The following MYO16 variants were observed in gnomAD, a reference collection of about 807,000 sequenced individuals.
MYO16 encodes the protein myosin XVI, also known as unconventional myosin-XVI.
Under a neutral mutation model 205.3 loss-of-function variants are expected in MYO16, and 94 were observed. That is an observed-to-expected ratio of 0.46 (90% CI 0.39 to 0.54). The LOEUF (loss-of-function observed/expected upper bound fraction) is 0.54. Among genes scored for constraint, MYO16 ranks in the 20% least tolerant of loss-of-function variants. MYO16 has a pLI of 0.00. For missense variants in MYO16, 2,315 were observed against 2,387.5 expected (o/e 0.97, Z 0.63); for synonymous variants, 988 against 954.0 (o/e 1.04, Z -0.66).
chr13:108,858,957 A>T (rs61971377), intron 11 of MYO16, among the ~76,000 whole-genome samples: 13,785 of 152,152 alleles, frequency 0.091, 789 homozygotes, highest in Non-Finnish European at 0.12. Flanking sequence ...TTGCCTGAGT[A>T]ATTTGACCAC....
intron 1 of MYO16, among the ~76,000 whole-genome samples, chr13:108,602,827 G>A (rs1878814564): frequency 6.6e-6 from 1 of 152,042 alleles, no homozygotes; most frequent in Admixed American, 6.6e-5. Flanking sequence ...TTCTCTTATT[G>A]ACTAAAAAGT....
chr13:109,068,825 A>G (rs1259142429), intron 27 of MYO16, among the ~76,000 whole-genome samples: 1 of 152,152 alleles, frequency 6.6e-6, no homozygotes, highest in Admixed American at 6.6e-5. Flanking sequence ...TCCTGACCTC[A>G]GGTGATCCGC....
chr13:108,684,637 TG>T (rs1477265153), intron 2 of MYO16, among the ~76,000 whole-genome samples: 1 of 152,182 alleles, frequency 6.6e-6, no homozygotes, highest in Admixed American at 6.5e-5. Context: ...GGCTTCTGGC[TG>T]GGGGTTGGTC....
At chr13:108,782,380 G>A (rs1886329975) in intron 4 of MYO16, among the ~76,000 whole-genome samples, 1 of 152,226 alleles carries the variant, frequency 6.6e-6, no homozygotes, top group African/African-American at 2.4e-5. Context: ...GTATCTGGCA[G>A]AAGAAATGTC....
At chr13:108,714,581 C>T (rs183138922) in intron 3 of MYO16, among the ~76,000 whole-genome samples, 1 of 130,426 alleles carries the variant, frequency 7.7e-6, no homozygotes, top group Admixed American at 8.1e-5. Context: ...CACTTCTTCA[C>T]GTGTGTGTGT....
chr13:108,568,320 C>T, the MYO16 span, among the ~76,000 whole-genome samples: 15 of 152,118 alleles, frequency 9.9e-5, no homozygotes, highest in Admixed American at 9.8e-4. Context: ...ACCAGCAATG[C>T]ATAAGTGTTC....
At chr13:108,912,142 C>T (rs1180520487) in intron 16 of MYO16, among the ~76,000 whole-genome samples, 1 of 152,100 alleles carries the variant, frequency 6.6e-6, no homozygotes, top group East Asian at 1.9e-4. Flanking sequence ...GGAGAAATTA[C>T]AGGACAACCT....
In MYO16 at chr13:109,022,687, C is replaced by CT. The variant is rs1555325073; in HGVS notation, c.2796+2776_2796+2777insT. ...TATATATTATATATACACATATAAA[C>CT]ATGTATATATTTATATATTATATAT... On this transcript the variant is annotated intron_variant, in intron 23 of 34. Transcript: ENST00000457511. Among the ~76,000 whole-genome samples the CT allele has an allele frequency of 2.0e-3, 226 of 110,374 alleles. 20 individuals are homozygous for CT. In the South Asian group the frequency reaches 0.057, roughly 28 times the overall value. The allele number at this position is 110,374 out of a possible 152,430, so 72.4% of individuals were successfully genotyped here. A position where few individuals can be genotyped will look rare whatever the true frequency, so the allele number is the denominator to read the frequency against.
intron 29 of MYO16, among the ~76,000 whole-genome samples, chr13:109,122,555 G>A (rs1013254868): frequency 6.6e-6 from 1 of 152,034 alleles, no homozygotes; most frequent in Non-Finnish European, 1.5e-5. Context: ...GCGCATGCCT[G>A]TAATCCCAGC....
chr13:108,610,934 T>G (rs1879150967), intron 1 of MYO16, among the ~76,000 whole-genome samples: 2 of 152,178 alleles, frequency 1.3e-5, no homozygotes, highest in Non-Finnish European at 2.9e-5. Context: ...GATGCTTCAG[T>G]AAAAAATTAA....
chr13:108,823,997 T>TATA (rs1876125157), intron 9 of MYO16, among the ~76,000 whole-genome samples: 1 of 152,082 alleles, frequency 6.6e-6, no homozygotes, highest in Admixed American at 6.6e-5. Context: ...GCTTGGAATG[T>TATA]ATAATAAAAC....
intron 3 of MYO16, among the ~76,000 whole-genome samples, chr13:108,715,546 G>A (rs910853953): frequency 1.3e-5 from 2 of 152,096 alleles, no homozygotes; most frequent in East Asian, 1.9e-4. Context: ...CCTGATACTC[G>A]GAGATGCTCA....
chr13:108,697,216 A>G (rs1883126346), intron 2 of MYO16, among the ~76,000 whole-genome samples: 1 of 152,224 alleles, frequency 6.6e-6, no homozygotes, highest in African/African-American at 2.4e-5. Context: ...GTACTCCAAC[A>G]ACAATAAATC....
intron 33 of MYO16, among the ~76,000 whole-genome samples, 183 bp downstream of exon 33, chr13:109,165,242 G>A (rs571951911): frequency 2.5e-4 from 38 of 152,260 alleles, no homozygotes; most frequent in Non-Finnish European, 5.0e-4. Flanking sequence ...TAAAGAATTG[G>A]AATTCTATTC....
At chr13:108,909,628 G>C (rs6492153) in intron 15 of MYO16, among the ~76,000 whole-genome samples, 81,776 of 151,136 alleles carry the variant, frequency 0.54, 22,778 homozygotes, top group East Asian at 0.71. Flanking sequence ...GGCACTTTTT[G>C]AACAGTGTAA....
At chr13:108,659,475 C>T in intron 1 of MYO16, 1 of 266,916 alleles carries the variant, frequency 3.7e-6, no homozygotes, top group South Asian at 3.5e-5. Flanking sequence ...TCTGGAATTG[C>T]AGGATAACCA....
intron 4 of MYO16, among the ~76,000 whole-genome samples, chr13:108,737,916 A>G (rs1221201051): frequency 6.6e-6 from 1 of 152,096 alleles, no homozygotes; most frequent in African/African-American, 2.4e-5. Context: ...TTTCTAGTTT[A>G]TTTGTGTAGA....
chr13:109,065,532 A>G (rs1403187790), intron 27 of MYO16: 1 of 450,760 alleles, frequency 2.2e-6, no homozygotes, highest in Admixed American at 2.7e-5. Context: ...TGCTGAAAAA[A>G]AAAAAAAGAA....
At position 108,995,589 on chromosome 13, in the gene MYO16, C is replaced by G. The variant is rs942363880; in HGVS notation, c.2442+3141C>G. Among the ~76,000 whole-genome samples, 3 of 152,060 alleles carry G rather than the reference C, an allele frequency of 2.0e-5. No individual in the cohort carries two copies. In the East Asian group the frequency reaches 5.8e-4, roughly 29 times the overall value. Reference sequence around the variant, plus strand: ...TATCTCCAAATGCTATCCCTCCCCCCTCTCCCCACTCCACAACAGGCCCTG... The same window carrying G: ...TATCTCCAAATGCTATCCCTCCCCCGTCTCCCCACTCCACAACAGGCCCTG... On this transcript the variant is annotated intron_variant, in intron 21 of 34. Coordinates refer to ENST00000457511, the MANE Select transcript of MYO16 (RefSeq NM_001198950.3).
Sources: gnomAD v4.1 joint callset for allele counts (sites outside exome capture counted in the v4.1 genomes callset) on GRCh38, gnomAD v4.1.1 for gene constraint, MANE v1.5 for transcripts, NCBI Gene and HGNC (gene_info 2026-07-23, HGNC 2026-07-21) for gene names.